Variants in SLC30A8 observed in about 807,000 individuals in gnomAD.
SLC30A8 encodes proton-coupled zinc antiporter SLC30A8.
In SLC30A8, 27 loss-of-function variants were observed where a neutral mutation model predicts 36.9. The observed-to-expected ratio is 0.73, with a 90% CI of 0.54 to 1.01. The LOEUF is 1.01. SLC30A8 is among the 50% of genes least tolerant of loss of function. The probability of loss-of-function intolerance (pLI) is 0.00; values close to 1 mark genes in which losing one functional copy is unlikely to be tolerated. For missense variants in SLC30A8, 439 were observed against 452.0 expected (o/e 0.97, Z 0.26); for synonymous variants, 164 against 172.4 (o/e 0.95, Z 0.38).
intron 1 of SLC30A8, among the ~76,000 whole-genome samples, chr8:116,973,765 A>C (rs536390868): frequency 6.6e-6 from 1 of 152,370 alleles, no homozygotes; most frequent in Admixed American, 6.5e-5. Flanking sequence ...AGCTGGATGC[A>C]TCAAGCTACC....
intron 2 of SLC30A8, among the ~76,000 whole-genome samples, chr8:117,092,042 A>G (rs1424896764): frequency 6.6e-6 from 1 of 152,186 alleles, no homozygotes; most frequent in Non-Finnish European, 1.5e-5. Context: ...GGAATGGGAA[A>G]GAAAGGACAA....
At position 117,171,116 on chromosome 8, in the gene SLC30A8, C is replaced by T. The variant is rs1364381901; in HGVS notation, c.912C>T (p.His304=). Residue 304 remains histidine (H), a synonymous_variant, in exon 7 of 8, where the codon CAC becomes CAT. Transcript: ENST00000456015. ...VDGVLSVHSL[H]IWSLTMNQVI... is the part of the protein sequence containing the mutation. ...GGGTGCTGTCTGTGCACAGCCTGCA[C>T]ATCTGGTCTCTAACAATGAATCAAG... The T allele has an allele frequency of 6.2e-7, 1 of 1,613,502 alleles. No homozygotes were observed. The highest frequency in any genetic ancestry group is 2.2e-5 in the East Asian group (1 of 44,860).
At chr8:116,964,127 T>G (rs1308108904) in intron 1 of SLC30A8, among the ~76,000 whole-genome samples, 1 of 152,232 alleles carries the variant, frequency 6.6e-6, no homozygotes, top group Non-Finnish European at 1.5e-5. Context: ...TACAATCTTA[T>G]AAGACCTGAA....
intron 2 of SLC30A8, among the ~76,000 whole-genome samples, chr8:117,127,282 ATTAC>A: frequency 6.6e-6 from 1 of 152,172 alleles, no homozygotes; most frequent in African/African-American, 2.4e-5. Context: ...GTCTTTTCAC[ATTAC>A]TTAATGTTTT....
chr8:117,023,202 A>T (rs954958435), intron 1 of SLC30A8, among the ~76,000 whole-genome samples: 2 of 152,246 alleles, frequency 1.3e-5, no homozygotes. Flanking sequence ...AATGGCTATC[A>T]TTAAAAAGTC....
chr8:117,045,069 T>C (rs774328511), intron 2 of SLC30A8, among the ~76,000 whole-genome samples: 2 of 152,222 alleles, frequency 1.3e-5, no homozygotes, highest in Non-Finnish European at 2.9e-5. Context: ...GCATCCTCCT[T>C]CTTTTGGAAA....
chr8:117,090,611 A>G (rs1017111148), intron 2 of SLC30A8, among the ~76,000 whole-genome samples: 1 of 152,188 alleles, frequency 6.6e-6, no homozygotes, highest in Non-Finnish European at 1.5e-5. Context: ...CACTAATCCC[A>G]TTAATGAGGG....
chr8:116,953,207 T>TC (rs1396608811), intron 1 of SLC30A8, among the ~76,000 whole-genome samples: 1 of 152,210 alleles, frequency 6.6e-6, no homozygotes, highest in Non-Finnish European at 1.5e-5. Context: ...ATGATTTTGT[T>TC]CTTTTTTATG....
chr8:116,954,162 G>A (rs1212533386), intron 1 of SLC30A8, among the ~76,000 whole-genome samples: 1 of 152,180 alleles, frequency 6.6e-6, no homozygotes, highest in Non-Finnish European at 1.5e-5. Context: ...CTCATTTTTA[G>A]CATGGAAAGA....
intron 1 of SLC30A8, among the ~76,000 whole-genome samples, chr8:116,984,649 C>T (rs1341360720): frequency 6.6e-6 from 1 of 151,868 alleles, no homozygotes; most frequent in South Asian, 2.1e-4. Flanking sequence ...GGGTTGTTTG[C>T]GTTTTATTTT....
chr8:117,141,217 T>A (rs1413785548), intron 1 of SLC30A8, among the ~76,000 whole-genome samples: 1 of 152,044 alleles, frequency 6.6e-6, no homozygotes, highest in Non-Finnish European at 1.5e-5. Flanking sequence ...GGAGGAAATA[T>A]CACAGGAAAA....
intron 2 of SLC30A8, among the ~76,000 whole-genome samples, chr8:117,061,566 T>G (rs7464559): frequency 8.1e-4 from 124 of 152,298 alleles, no homozygotes; most frequent in Admixed American, 3.5e-3. Flanking sequence ...GAAATATTTT[T>G]TCCATCTTTA....
intron 1 of SLC30A8, among the ~76,000 whole-genome samples, chr8:116,998,312 C>G (rs899570832): frequency 2.6e-5 from 4 of 152,142 alleles, no homozygotes; most frequent in Admixed American, 6.5e-5. Context: ...GCAATGATGG[C>G]CAGAAATTTG....
intron 2 of SLC30A8, among the ~76,000 whole-genome samples, chr8:117,114,972 G>T (rs1019825251): frequency 6.6e-6 from 1 of 151,980 alleles, no homozygotes; most frequent in Non-Finnish European, 1.5e-5. Flanking sequence ...TGGCTACAGT[G>T]ATCATAGCTC....
chr8:117,006,955 GTTTTTTTTTTTTTTTTT>G (rs869111415), intron 1 of SLC30A8: 35 of 38,122 alleles, frequency 9.2e-4, no homozygotes, highest in African/African-American at 3.9e-3. Flanking sequence ...GCTAATTCTT[GTTTTTTTTTTTTTTTTT>G]TTTTTTTTTT....
chr8:116,975,039 TG>T (rs1201441509), intron 1 of SLC30A8, among the ~76,000 whole-genome samples: 1 of 75,266 alleles, frequency 1.3e-5, no homozygotes, highest in Non-Finnish European at 2.4e-5. Flanking sequence ...TGTTGTGGGG[TG>T]GGGGGAGGGG....
intron 2 of SLC30A8, among the ~76,000 whole-genome samples, chr8:117,090,993 A>C (rs1288975768): frequency 6.6e-6 from 1 of 152,222 alleles, no homozygotes; most frequent in Non-Finnish European, 1.5e-5. Context: ...ATGGATGAAT[A>C]AACCACTTTT....
At chr8:117,130,840 G>A (rs750683425), upstream of SLC30A8, among the ~76,000 whole-genome samples, 2 of 151,740 alleles carry the variant, frequency 1.3e-5, no homozygotes, top group Admixed American at 6.6e-5. Flanking sequence ...AAAGAAGTGT[G>A]GTATATGGAG....
chr8:117,019,983 G>T (rs879836065), intron 1 of SLC30A8, among the ~76,000 whole-genome samples: 1 of 152,160 alleles, frequency 6.6e-6, no homozygotes, highest in Non-Finnish European at 1.5e-5. Context: ...AAGGCTAAGA[G>T]CTTAAGTACT....
Sources: gnomAD v4.1 joint callset for allele counts (sites outside exome capture counted in the v4.1 genomes callset) on GRCh38, gnomAD v4.1.1 for gene constraint, MANE v1.5 for transcripts, NCBI Gene and HGNC (gene_info 2026-07-23, HGNC 2026-07-21) for gene names.